Variants in C3orf49 observed in about 807,000 individuals in gnomAD.
The protein encoded by C3orf49 is chromosome 3 open reading frame 49.
C3orf49 carries 27 observed loss-of-function variants against 13.3 expected under a neutral mutation model. That is an observed-to-expected ratio of 2.02 (90% CI 1.49 to 2.79). C3orf49 has a LOEUF of 2.79. Ranked by LOEUF, C3orf49 falls within the 30% of genes most tolerant of loss-of-function variation. The probability of loss-of-function intolerance (pLI) is 0.00; values close to 1 mark genes in which losing one functional copy is unlikely to be tolerated. For missense variants in C3orf49, 242 were observed against 134.2 expected (o/e 1.80, Z -3.97); for synonymous variants, 87 against 47.6 (o/e 1.83, Z -3.40).
At chr3:63,801,208 G>C in the C3orf49 span, among the ~76,000 whole-genome samples, 11 of 152,090 alleles carry the variant, frequency 7.2e-5, no homozygotes, top group African/African-American at 2.4e-4. Flanking sequence ...CTGAAGCTTA[G>C]ACAAGACAAG....
the C3orf49 span, among the ~76,000 whole-genome samples, chr3:63,813,354 C>G: frequency 6.6e-6 from 1 of 152,164 alleles, no homozygotes; most frequent in South Asian, 2.1e-4. Context: ...CCATTGATAT[C>G]AACAGCATCT....
rs147894678 is a variant in C3orf49, at chr3:63,843,693, G to A, written c.850-1330G>A. Among the ~76,000 whole-genome samples the A allele has an allele frequency of 8.4e-3, 1,281 of 152,222 alleles. 19 individuals carry two copies. The highest frequency in any genetic ancestry group is 0.027 in the African/African-American group (1,125 of 41,556). ...AGGTGGGCGCATCACGAGGTCAGGAGATCGAGACCATCCTGGCTAACACAG... is the reference window on the plus strand; with the variant it reads ...AGGTGGGCGCATCACGAGGTCAGGAAATCGAGACCATCCTGGCTAACACAG... On this transcript the variant is annotated intron_variant, in intron 5 of 6. Coordinates refer to ENST00000295896, the MANE Select transcript of C3orf49 (RefSeq NM_001355236.2).
intron 5 of C3orf49, chr3:63,836,174 A>G: frequency 2.5e-6 from 2 of 802,516 alleles, no homozygotes; most frequent in Non-Finnish European, 1.9e-6. Context: ...ATGGGAAAAT[A>G]TAATATTGAA....
the C3orf49 span, among the ~76,000 whole-genome samples, chr3:63,805,916 A>C: frequency 6.6e-6 from 1 of 152,208 alleles, no homozygotes; most frequent in Non-Finnish European, 1.5e-5. Flanking sequence ...GTCTCCCAGC[A>C]AGGGCTGGTC....
the C3orf49 span, among the ~76,000 whole-genome samples, chr3:63,805,670 A>T: frequency 2.6e-5 from 4 of 152,170 alleles, no homozygotes; most frequent in Admixed American, 6.5e-5. Context: ...CAGTTGAGAA[A>T]CCCTTAACTT....
At chr3:63,804,852 A>G in the C3orf49 span, among the ~76,000 whole-genome samples, 4 of 152,200 alleles carry the variant, frequency 2.6e-5, no homozygotes, top group African/African-American at 9.6e-5. Context: ...ATTCTCAATA[A>G]TTACTTGTGA....
At chr3:63,795,790 G>T in the C3orf49 span, among the ~76,000 whole-genome samples, 1 of 152,082 alleles carries the variant, frequency 6.6e-6, no homozygotes, top group Admixed American at 6.6e-5. Context: ...AACAAAGCAC[G>T]TGATTTTCCT....
rs1227935479 is a variant in C3orf49, at chr3:63,834,657, T to TAA, written c.849+2826_849+2827dup. Among the ~76,000 whole-genome samples the TAA allele has an allele frequency of 5.8e-5, 8 of 138,076 alleles. No homozygotes were observed. The East Asian group carries it at 6.2e-4, about 11-fold the overall frequency. 90.6% of individuals were successfully genotyped at this position (138,076 alleles called of 152,430 possible). On this transcript the variant is annotated intron_variant, in intron 5 of 6. Transcript: ENST00000295896. ...CCTGGGTGACAGAGCAAGACTGTCTTAAAAAAAAAAAAAAGAAAAGAAAAA... is the reference window on the plus strand; with the variant it reads ...CCTGGGTGACAGAGCAAGACTGTCTTAAAAAAAAAAAAAAAAGAAAAGAAAAA...
the C3orf49 span, among the ~76,000 whole-genome samples, chr3:63,785,697 C>G: frequency 6.6e-6 from 1 of 152,094 alleles, no homozygotes; most frequent in East Asian, 1.9e-4. Flanking sequence ...GGAGTATTCA[C>G]CTACTTCCAC....
At chr3:63,827,343 A>AAG in intron 2 of C3orf49, 8 of 303,260 alleles carry the variant, frequency 2.6e-5, no homozygotes, top group South Asian at 1.1e-4. Flanking sequence ...TTAAATCTCG[A>AAG]AGAGAGAGAG....
intron 3 of C3orf49, 22 bp from the exon 4 acceptor site, chr3:63,831,088 G>A (rs1011733591): frequency 2.9e-6 from 2 of 694,012 alleles, no homozygotes; most frequent in Non-Finnish European, 5.2e-6. Flanking sequence ...CTAATCTGAT[G>A]TGTTTTGCAT....
chr3:63,827,550 T>G (rs956939859), intron 2 of C3orf49, 51 bp from the exon 3 acceptor site: 5 of 669,878 alleles, frequency 7.5e-6, no homozygotes, highest in Non-Finnish European at 1.4e-5. Context: ...ACAGGAAGAA[T>G]GTGTTCCTCA....
At chr3:63,821,094 C>A (rs1489795227) in intron 1 of C3orf49, among the ~76,000 whole-genome samples, 1 of 152,070 alleles carries the variant, frequency 6.6e-6, no homozygotes, top group African/African-American at 2.4e-5. Context: ...TTTCATAATT[C>A]TGAAAAGATT....
the C3orf49 span, among the ~76,000 whole-genome samples, chr3:63,809,555 G>A: frequency 7.9e-5 from 12 of 152,168 alleles, no homozygotes; most frequent in South Asian, 4.2e-4. Flanking sequence ...AGAGCTTCTC[G>A]TCTCACACAG....
rs1313539951 is a variant in C3orf49 at position 63,819,397 on chromosome 3, T to C, written c.-75T>C. ...CTTGACAGTACATTCAGTCACTGGATGATTTTGTATTGAAGTCTGTAAGTT... is the reference window on the plus strand; with the variant it reads ...CTTGACAGTACATTCAGTCACTGGACGATTTTGTATTGAAGTCTGTAAGTT... On this transcript the variant is annotated 5_prime_UTR_variant, in exon 1 of 7. It removes an upstream start codon present in the reference 5' UTR. Transcript: ENST00000295896. The C allele has an allele frequency of 3.0e-6, 2 of 673,674 alleles. No individual in the cohort carries two copies. Among genetic ancestry groups the C allele is most frequent in the African/African-American group, 3.6e-5 (2 of 55,886 alleles). The allele number at this position is 673,674 out of a possible 1,614,324, so 41.7% of individuals were successfully genotyped here.
intron 3 of C3orf49, among the ~76,000 whole-genome samples, chr3:63,830,772 C>T (rs17069443): frequency 0.031 from 4,759 of 152,234 alleles, 239 homozygotes; most frequent in African/African-American, 0.1. Flanking sequence ...TGGTCCACAA[C>T]GGCCCCACAC....
At chr3:63,838,278 T>C (rs1435688447) in intron 5 of C3orf49, 1 of 1,018,458 alleles carries the variant, frequency 9.8e-7, no homozygotes, top group Non-Finnish European at 1.4e-6. Context: ...TAATTGTTAT[T>C]ATTCTTTTAC....
At chr3:63,832,331 A>G (rs185493557) in intron 5 of C3orf49, among the ~76,000 whole-genome samples, 152 of 152,256 alleles carry the variant, frequency 1.0e-3, no homozygotes, top group African/African-American at 3.5e-3. Flanking sequence ...ATTCTACCCA[A>G]TAGTCCTTTA....
the C3orf49 span, among the ~76,000 whole-genome samples, chr3:63,787,603 A>C: frequency 6.6e-6 from 1 of 152,124 alleles, no homozygotes; most frequent in South Asian, 2.1e-4. Context: ...GAAGGTTTGG[A>C]GATGGTGGTT....
Sources: gnomAD v4.1 joint callset for allele counts (sites outside exome capture counted in the v4.1 genomes callset) on GRCh38, gnomAD v4.1.1 for gene constraint, MANE v1.5 for transcripts, NCBI Gene and HGNC (gene_info 2026-07-23, HGNC 2026-07-21) for gene names.